TTC29: variants seen among roughly 807,000 people sequenced by gnomAD.
TTC29 encodes the protein tetratricopeptide repeat domain 29, also known as tetratricopeptide repeat protein 29.
Under a neutral mutation model 58.1 loss-of-function variants are expected in TTC29, and 49 were observed. The ratio of observed to expected loss-of-function variants is 0.84; its 90% CI spans 0.67 to 1.07. The LOEUF (loss-of-function observed/expected upper bound fraction) is 1.07, where lower values mean the gene tolerates loss of function less well. Ranked by LOEUF, TTC29 falls within the 50% of genes least tolerant of loss-of-function variation. The pLI, the probability that TTC29 is intolerant of heterozygous loss-of-function variation, is 0.00. For synonymous variants in TTC29, 209 were observed against 196.8 expected, an observed-to-expected ratio of 1.06 and a Z score of -0.52; for missense variants, 582 against 555.6, an observed-to-expected ratio of 1.05 and a Z score of -0.48.
chr4:146,824,074 C>T (rs187118749), intron 9 of TTC29, among the ~76,000 whole-genome samples: 17 of 152,276 alleles, frequency 1.1e-4, no homozygotes, highest in African/African-American at 3.6e-4. Context: ...TCCTCTCTTC[C>T]TCTTTGAATA....
At chr4:146,864,910 A>G (rs1322986375) in intron 8 of TTC29, among the ~76,000 whole-genome samples, 1 of 143,090 alleles carries the variant, frequency 7.0e-6, no homozygotes, top group Non-Finnish European at 1.5e-5. Context: ...GGGATTAGGA[A>G]GTAGATTTTT....
intron 8 of TTC29, among the ~76,000 whole-genome samples, chr4:146,845,209 A>T (rs1428759698): frequency 2.0e-5 from 3 of 152,116 alleles, no homozygotes; most frequent in Non-Finnish European, 4.4e-5. Context: ...AAGCACTGAG[A>T]GATGAAACAG....
chr4:146,723,719 G>GT (rs1743554818), intron 11 of TTC29, among the ~76,000 whole-genome samples: 1 of 152,150 alleles, frequency 6.6e-6, no homozygotes, highest in Non-Finnish European at 1.5e-5. Flanking sequence ...TTATTCAGAA[G>GT]TGAAACAGCA....
intron 11 of TTC29, among the ~76,000 whole-genome samples, chr4:146,790,621 G>A (rs907013264): frequency 6.6e-6 from 1 of 151,750 alleles, no homozygotes; most frequent in Admixed American, 6.6e-5. Context: ...CTTTATACAT[G>A]TAGGTGGAAA....
At chr4:146,770,972 T>G (rs1747682118) in intron 11 of TTC29, among the ~76,000 whole-genome samples, 2 of 152,224 alleles carry the variant, frequency 1.3e-5, no homozygotes. Flanking sequence ...ATGCAAGGGC[T>G]CAATAAATGT....
At chr4:146,944,039 G>T (rs1736683175) in intron 2 of TTC29, 1 of 152,304 alleles carries the variant, frequency 6.6e-6, no homozygotes. Flanking sequence ...TGGTGTGGCT[G>T]CAGGAAGGGA....
At chr4:146,766,471 T>C (rs1329511798) in intron 11 of TTC29, among the ~76,000 whole-genome samples, 6 of 152,124 alleles carry the variant, frequency 3.9e-5, no homozygotes, top group Non-Finnish European at 7.4e-5. Flanking sequence ...AGCAGCTTTA[T>C]TGTCTTGCAG....
intron 9 of TTC29, among the ~76,000 whole-genome samples, chr4:146,825,584 T>G (rs1029613047): frequency 2.0e-5 from 3 of 152,196 alleles, no homozygotes; most frequent in Admixed American, 6.5e-5. Context: ...TTCTGTTGAT[T>G]TGGGGTAGAG....
chr4:146,886,788 G>A (rs1442798107), intron 6 of TTC29, among the ~76,000 whole-genome samples: 1 of 152,020 alleles, frequency 6.6e-6, no homozygotes, highest in Admixed American at 6.6e-5. Context: ...AGATGGTGTT[G>A]GGTAGTGGAA....
At chr4:146,901,464 T>C (rs1733143781) in intron 6 of TTC29, among the ~76,000 whole-genome samples, 1 of 152,232 alleles carries the variant, frequency 6.6e-6, no homozygotes, top group South Asian at 2.1e-4. Context: ...CTGTATTAAT[T>C]TGGAATAAAA....
At chr4:146,909,308 AT>A in intron 4 of TTC29, 59 bp from the exon 5 acceptor site, 2 of 1,278,694 alleles carry the variant, frequency 1.6e-6, no homozygotes, top group South Asian at 2.6e-5. Context: ...TCTGCACGGT[AT>A]TTTCATTCTC....
intron 11 of TTC29, among the ~76,000 whole-genome samples, chr4:146,761,708 C>A (rs144201256): frequency 3.5e-4 from 52 of 148,672 alleles, no homozygotes; most frequent in Non-Finnish European, 5.2e-4. Flanking sequence ...TCTTTGCTCC[C>A]TTTTACTTAC....
rs181181613 is a variant in TTC29 at position 146,842,849 on chromosome 4, A to G, written c.886-8952T>C. Among the ~76,000 whole-genome samples, 459 of 152,304 alleles carry G rather than the reference A, an allele frequency of 3.0e-3. 3 individuals are homozygous for G. Among genetic ancestry groups the G allele is most frequent in the African/African-American group, 0.011 (439 of 41,574 alleles). ...TATACTTATGCAATGAGAAATACAGAAATAAAAAATCAAGTTTGCCATCTT... is the reference window on the plus strand; with the variant it reads ...TATACTTATGCAATGAGAAATACAGGAATAAAAAATCAAGTTTGCCATCTT... On this transcript the variant is annotated intron_variant, in intron 8 of 12. Transcript: ENST00000325106.
At chr4:146,921,092 A>C (rs1257514018) in intron 4 of TTC29, among the ~76,000 whole-genome samples, 1 of 151,460 alleles carries the variant, frequency 6.6e-6, no homozygotes, top group Non-Finnish European at 1.5e-5. Context: ...CTCTTTAATT[A>C]CCGTTGCAAA....
intron 6 of TTC29, among the ~76,000 whole-genome samples, chr4:146,878,105 G>T (rs1480396694): frequency 2.0e-5 from 3 of 152,142 alleles, no homozygotes; most frequent in African/African-American, 4.8e-5. Context: ...GGATAAGGCT[G>T]TCCAAGCAGG....
At chr4:146,867,435 GA>G (rs1439990362) in intron 8 of TTC29, 62 bp downstream of exon 8, 2 of 834,612 alleles carry the variant, frequency 2.4e-6, no homozygotes, top group African/African-American at 3.6e-5. Flanking sequence ...TAACATATAG[GA>G]AAATAAAATA....
chr4:146,787,257 GGTT>G, intron 11 of TTC29, among the ~76,000 whole-genome samples: 1 of 152,014 alleles, frequency 6.6e-6, no homozygotes, highest in Non-Finnish European at 1.5e-5. Context: ...AGTTTATTTG[GGTT>G]GTTAAGAGAA....
Position 146,713,237 on chromosome 4 carries a change from G to C in TTC29, c.1331-5686C>G, listed in dbSNP as rs1258175829. Among the ~76,000 whole-genome samples the C allele has an allele frequency of 3.3e-5, 5 of 151,648 alleles. No individual in the cohort carries two copies. In the South Asian group the frequency reaches 1.0e-3, roughly 32 times the overall value. On this transcript the variant is annotated intron_variant, in intron 11 of 12. Transcript: ENST00000325106. ...TTTAGTCATGTGAAGTGTGGTTTGA[G>C]CGTCAACATATTTAATGTTGGCATA...
chr4:146,784,664 A>C (rs912874249), intron 11 of TTC29, among the ~76,000 whole-genome samples: 1 of 152,148 alleles, frequency 6.6e-6, no homozygotes, highest in African/African-American at 2.4e-5. Context: ...CATATATTGA[A>C]TCTGCCTCAA....
Sources: allele counts gnomAD v4.1 joint callset (sites outside exome capture counted in the v4.1 genomes callset), GRCh38; gene constraint gnomAD v4.1.1; transcripts MANE v1.5; gene names NCBI Gene and HGNC (gene_info 2026-07-23, HGNC 2026-07-21).